DLGAP1: variants seen among roughly 807,000 people sequenced by gnomAD.
DLGAP1 encodes disks large-associated protein 1.
DLGAP1 carries 11 observed loss-of-function variants against 90.8 expected under a neutral mutation model. That is an observed-to-expected ratio of 0.12 (90% CI 0.08 to 0.20). DLGAP1 has a LOEUF of 0.20. Ranked by LOEUF, DLGAP1 falls within the 10% of genes least tolerant of loss-of-function variation. The pLI is 1.00. For synonymous variants in DLGAP1, 558 were observed against 540.7 expected, an observed-to-expected ratio of 1.03 and a Z score of -0.44; for missense variants, 1,050 against 1,333.8, an observed-to-expected ratio of 0.79 and a Z score of 3.31.
chr18:4,126,700 A>G (rs948054674), intron 2 of DLGAP1, among the ~76,000 whole-genome samples: 1 of 152,194 alleles, frequency 6.6e-6, no homozygotes, highest in African/African-American at 2.4e-5. Flanking sequence ...CTGACCTGCC[A>G]CAAGTCTGTG....
chr18:3,953,640 T>TA (rs779567278), intron 3 of DLGAP1, among the ~76,000 whole-genome samples: 43 of 152,370 alleles, frequency 2.8e-4, no homozygotes, highest in Non-Finnish European at 5.7e-4. Context: ...AGCGCTGAGA[T>TA]AAACATATAA....
At chr18:3,720,121 CA>C (rs1447076288) in intron 7 of DLGAP1, among the ~76,000 whole-genome samples, 2 of 152,092 alleles carry the variant, frequency 1.3e-5, no homozygotes, top group African/African-American at 2.4e-5. Flanking sequence ...CTTTTGAAAC[CA>C]CAGAATATTC....
At chr18:4,130,149 G>A (rs1195758583) in intron 2 of DLGAP1, among the ~76,000 whole-genome samples, 1 of 152,132 alleles carries the variant, frequency 6.6e-6, no homozygotes. Context: ...TTCCTTCCGT[G>A]TTGGTTTTTC....
intron 7 of DLGAP1, among the ~76,000 whole-genome samples, chr18:3,671,051 C>T (rs1244417400): frequency 6.6e-6 from 1 of 152,176 alleles, no homozygotes; most frequent in African/African-American, 2.4e-5. Context: ...TGTCTTGGAT[C>T]ACTCCCATCC....
chr18:4,324,892 A>G (rs1368858902), intron 1 of DLGAP1, among the ~76,000 whole-genome samples: 1 of 152,160 alleles, frequency 6.6e-6, no homozygotes, highest in African/African-American at 2.4e-5. Flanking sequence ...ATCTATAACA[A>G]ACCCACAGAC....
chr18:4,102,421 C>T (rs2075794611), intron 2 of DLGAP1, among the ~76,000 whole-genome samples: 1 of 152,148 alleles, frequency 6.6e-6, no homozygotes, highest in Non-Finnish European at 1.5e-5. Flanking sequence ...CTAGACTGAA[C>T]TCTGGGAAAT....
At chr18:3,548,417 G>C (rs976174670) in intron 9 of DLGAP1, among the ~76,000 whole-genome samples, 2 of 145,418 alleles carry the variant, frequency 1.4e-5, no homozygotes, top group Admixed American at 6.9e-5. Flanking sequence ...ACTAGGAAAA[G>C]AAAGGAACTT....
At chr18:4,117,338 C>T (rs2076078651) in intron 2 of DLGAP1, among the ~76,000 whole-genome samples, 1 of 152,188 alleles carries the variant, frequency 6.6e-6, no homozygotes, top group African/African-American at 2.4e-5. Flanking sequence ...TATTTCTTTG[C>T]ATGTCTTGTA....
chr18:3,614,606 C>T (rs1470874079), intron 7 of DLGAP1, among the ~76,000 whole-genome samples: 2 of 147,658 alleles, frequency 1.4e-5, no homozygotes, highest in African/African-American at 2.5e-5. Flanking sequence ...TTTGGGAGGC[C>T]GAGGTGGGCG....
rs1333234564 is a variant in DLGAP1, at chr18:3,739,089, C to A, written c.1350+3246G>T. Among the ~76,000 whole-genome samples, 4 of 130,974 alleles carry A rather than the reference C, an allele frequency of 3.1e-5. No individual in the cohort carries two copies. In the South Asian group the frequency reaches 8.2e-4, roughly 27 times the overall value. The allele number at this position is 130,974 out of a possible 152,430, so 85.9% of individuals were successfully genotyped here. ...AACCACAATGAGATACCATCTCACA[C>A]CAGTTAGAATGGCAATCATTAAAAA... On this transcript the variant is annotated intron_variant, in intron 6 of 12. Coordinates refer to ENST00000315677, the MANE Select transcript of DLGAP1 (RefSeq NM_004746.4).
intron 7 of DLGAP1, among the ~76,000 whole-genome samples, chr18:3,654,345 C>G (rs376164183): frequency 6.6e-6 from 1 of 152,178 alleles, no homozygotes; most frequent in South Asian, 2.1e-4. Flanking sequence ...AAACCCTGTC[C>G]TGGGGGTGTA....
chr18:3,562,766 C>G (rs1347970372), intron 9 of DLGAP1, among the ~76,000 whole-genome samples: 1 of 150,778 alleles, frequency 6.6e-6, no homozygotes, highest in Non-Finnish European at 1.5e-5. Context: ...GTTGGGATTA[C>G]AGGAATGAGC....
rs554109976 is a variant in DLGAP1, at chr18:3,784,306, C to G, written c.1172+29753G>C. ...TCGGCTGCTTCTTTCTTGGACCCCC[C>G]CTAGTTGTTGGGTCTCGATGTGTAG... On this transcript the variant is annotated intron_variant, in intron 5 of 12. Coordinates refer to ENST00000315677, the MANE Select transcript of DLGAP1 (RefSeq NM_004746.4). Among the ~76,000 whole-genome samples, 125 of 152,254 alleles carry G rather than the reference C, an allele frequency of 8.2e-4. 1 individual carries two copies. Among genetic ancestry groups the G allele is most frequent in the African/African-American group, 2.8e-3 (117 of 41,552 alleles).
chr18:3,880,901 C>G (rs2148828204), intron 3 of DLGAP1, among the ~76,000 whole-genome samples: 1 of 140,394 alleles, frequency 7.1e-6, no homozygotes, highest in African/African-American at 2.7e-5. Flanking sequence ...AGAGATGGCA[C>G]CACTGCACTC....
intron 9 of DLGAP1, among the ~76,000 whole-genome samples, chr18:3,542,574 G>A (rs139005693): frequency 6.6e-6 from 1 of 152,260 alleles, no homozygotes; most frequent in East Asian, 1.9e-4. Flanking sequence ...ACATACACCA[G>A]AAAAATAACA....
At chr18:4,134,386 A>C (rs1180886019) in intron 2 of DLGAP1, among the ~76,000 whole-genome samples, 2 of 152,100 alleles carry the variant, frequency 1.3e-5, no homozygotes, top group Admixed American at 1.3e-4. Flanking sequence ...ATTGGACTTT[A>C]GGTCTCCAGT....
chr18:4,125,310 G>C (rs984930002), intron 2 of DLGAP1, among the ~76,000 whole-genome samples: 2 of 152,202 alleles, frequency 1.3e-5, no homozygotes, highest in African/African-American at 2.4e-5. Flanking sequence ...CAGCCTAGCA[G>C]TAGGAAGTGG....
intron 4 of DLGAP1, among the ~76,000 whole-genome samples, chr18:3,878,716 ACT>A (rs56739067): frequency 0.065 from 9,809 of 152,018 alleles, 928 homozygotes; most frequent in African/African-American, 0.21. Context: ...ATCTAATGAA[ACT>A]CTTTCCAAAA....
At chr18:4,160,533 A>G (rs150400797) in intron 1 of DLGAP1, among the ~76,000 whole-genome samples, 1 of 152,350 alleles carries the variant, frequency 6.6e-6, no homozygotes, top group East Asian at 1.9e-4. Flanking sequence ...CAATAAGCCT[A>G]ATGAGGTAGG....
Sources: allele counts gnomAD v4.1 joint callset (sites outside exome capture counted in the v4.1 genomes callset), GRCh38; gene constraint gnomAD v4.1.1; transcripts MANE v1.5; gene names NCBI Gene and HGNC (gene_info 2026-07-23, HGNC 2026-07-21).